The following B3GALT1 variants were observed in gnomAD, a reference collection of about 807,000 sequenced individuals.
The protein encoded by B3GALT1 is beta-1,3-galactosyltransferase 1.
Under a neutral mutation model 23.2 loss-of-function variants are expected in B3GALT1, and 10 were observed. That is an observed-to-expected ratio of 0.43 (90% CI 0.27 to 0.73). B3GALT1 has a LOEUF of 0.73. Ranked by LOEUF, B3GALT1 falls within the 30% of genes least tolerant of loss-of-function variation. The probability of loss-of-function intolerance (pLI) is 0.21; values close to 1 mark genes in which losing one functional copy is unlikely to be tolerated. For synonymous variants in B3GALT1, 156 were observed against 141.5 expected (o/e 1.10, Z -0.73); for missense variants, 299 against 405.4 (o/e 0.74, Z 2.25).
chr2:167,752,068 T>C (rs763040849), intron 3 of B3GALT1, among the ~76,000 whole-genome samples: 6 of 152,190 alleles, frequency 3.9e-5, no homozygotes, highest in Non-Finnish European at 7.3e-5. Context: ...AAAGTAGTAT[T>C]GTCTACCTTT....
rs1156403082 is a variant in B3GALT1, at chr2:167,357,424, A to G, written c.-511+64090A>G. ...TTTAAATGTTTTAATTATTATTACT[A>G]CCAAAAATGCCGACATATAATTGTA... On this transcript the variant is annotated intron_variant, in intron 1 of 4. Coordinates refer to ENST00000392690, the MANE Select transcript of B3GALT1 (RefSeq NM_020981.4). Among the ~76,000 whole-genome samples the G allele has an allele frequency of 3.3e-5, 5 of 152,150 alleles. No homozygotes were observed. The East Asian group carries it at 9.6e-4, about 29-fold the overall frequency.
intron 2 of B3GALT1, among the ~76,000 whole-genome samples, chr2:167,584,871 C>A (rs1221274105): frequency 1.3e-5 from 2 of 152,164 alleles, no homozygotes; most frequent in Non-Finnish European, 2.9e-5. Context: ...TTCAGCTATT[C>A]AGAAGCTCCA....
At chr2:167,684,005 A>G (rs1214566782) in intron 3 of B3GALT1, among the ~76,000 whole-genome samples, 1 of 152,208 alleles carries the variant, frequency 6.6e-6, no homozygotes, top group Non-Finnish European at 1.5e-5. Context: ...CTTAGAAGCC[A>G]TATGGTCCAG....
intron 2 of B3GALT1, among the ~76,000 whole-genome samples, chr2:167,627,718 T>C (rs2105444462): frequency 6.6e-6 from 1 of 151,792 alleles, no homozygotes; most frequent in Non-Finnish European, 1.5e-5. Context: ...ATATGAGAAG[T>C]GTATGCTAAA....
rs147706106 is a variant in B3GALT1 at position 167,394,482 on chromosome 2, A to C, written c.-510-95695A>C. On this transcript the variant is annotated intron_variant, in intron 1 of 4. Transcript: ENST00000392690. Reference sequence around the variant, plus strand: ...AGGATATATTTATATATTGTTCCAGATGTGTACATGATATTTTGATGCTAC... The same window carrying C: ...AGGATATATTTATATATTGTTCCAGCTGTGTACATGATATTTTGATGCTAC... Among the ~76,000 whole-genome samples the C allele has an allele frequency of 3.9e-3, 599 of 152,220 alleles. 1 individual carries two copies. Among genetic ancestry groups the C allele is most frequent in the African/African-American group, 0.014 (567 of 41,528 alleles).
intron 2 of B3GALT1, among the ~76,000 whole-genome samples, chr2:167,566,691 T>C (rs2105396513): frequency 6.6e-6 from 1 of 152,220 alleles, no homozygotes; most frequent in Admixed American, 6.5e-5. Context: ...ACCCAGGTCA[T>C]CCAGGCTGAA....
At chr2:167,522,291 A>C (rs1012022610) in intron 2 of B3GALT1, among the ~76,000 whole-genome samples, 4 of 151,966 alleles carry the variant, frequency 2.6e-5, no homozygotes, top group East Asian at 1.9e-4. Flanking sequence ...AAATATACAA[A>C]ATCTTCTCCA....
intron 3 of B3GALT1, among the ~76,000 whole-genome samples, chr2:167,696,181 T>TG (rs1473348992): frequency 6.6e-6 from 1 of 151,534 alleles, no homozygotes; most frequent in Non-Finnish European, 1.5e-5. Flanking sequence ...AAACCTAACT[T>TG]ACATTCTGGA....
chr2:167,857,812 G>A (rs770983403), intron 4 of B3GALT1, among the ~76,000 whole-genome samples: 6 of 152,078 alleles, frequency 3.9e-5, no homozygotes, highest in Non-Finnish European at 8.8e-5. Flanking sequence ...ATTCCTTTGG[G>A]TGCATTTCTA....
chr2:167,539,389 G>A (rs190769876), intron 2 of B3GALT1, among the ~76,000 whole-genome samples: 91 of 152,144 alleles, frequency 6.0e-4, no homozygotes, highest in African/African-American at 2.1e-3. Context: ...TTCTCCGAGT[G>A]GTAAAGTTAT....
intron 1 of B3GALT1, among the ~76,000 whole-genome samples, chr2:167,456,313 G>GGT (rs1024879175): frequency 6.6e-6 from 1 of 152,114 alleles, no homozygotes; most frequent in African/African-American, 2.4e-5. Flanking sequence ...TTATCACTAA[G>GGT]GTGATGGAGC....
rs1241427103 is a variant in B3GALT1 at position 167,818,770 on chromosome 2, A to G, written c.-253A>G. Among the ~76,000 whole-genome samples, 1 of 152,140 alleles carries G rather than the reference A, an allele frequency of 6.6e-6. No individual in the cohort carries two copies. Among genetic ancestry groups the G allele is most frequent in the African/African-American group, 2.4e-5 (1 of 41,424 alleles). Reference sequence around the variant, plus strand: ...CTGAACTTGTAGTAAGAAGAAGGAAAACACAGCACGCTGGAGCCAACAGGT... The same window carrying G: ...CTGAACTTGTAGTAAGAAGAAGGAAGACACAGCACGCTGGAGCCAACAGGT... On this transcript the variant is annotated 5_prime_UTR_variant, in exon 4 of 5. Transcript: ENST00000392690.
intron 2 of B3GALT1, among the ~76,000 whole-genome samples, chr2:167,602,754 C>T (rs1222077225): frequency 6.6e-6 from 1 of 152,056 alleles, no homozygotes; most frequent in African/African-American, 2.4e-5. Flanking sequence ...GAATTCTCAG[C>T]CCATAGTAAT....
chr2:167,593,033 G>A (rs561253370), intron 2 of B3GALT1, among the ~76,000 whole-genome samples: 1 of 152,282 alleles, frequency 6.6e-6, no homozygotes, highest in Non-Finnish European at 1.5e-5. Flanking sequence ...ACAAGATACA[G>A]ATAGTGTATA....
intron 2 of B3GALT1, among the ~76,000 whole-genome samples, chr2:167,606,445 G>T (rs1684963219): frequency 6.6e-6 from 1 of 152,126 alleles, no homozygotes; most frequent in Non-Finnish European, 1.5e-5. Context: ...TGAGTACTCA[G>T]TTTCAGATTC....
intron 1 of B3GALT1, among the ~76,000 whole-genome samples, chr2:167,410,717 T>G (rs1448789433): frequency 6.6e-6 from 1 of 152,118 alleles, no homozygotes; most frequent in Non-Finnish European, 1.5e-5. Flanking sequence ...GCCTGCATAT[T>G]CTGCACGTGT....
intron 3 of B3GALT1, among the ~76,000 whole-genome samples, chr2:167,795,681 T>C (rs1688535630): frequency 6.6e-6 from 1 of 152,170 alleles, no homozygotes; most frequent in African/African-American, 2.4e-5. Flanking sequence ...CAGGAGTCCA[T>C]GCTGGTTGGT....
intron 4 of B3GALT1, among the ~76,000 whole-genome samples, chr2:167,856,237 A>G (rs1257266861): frequency 1.3e-5 from 2 of 152,174 alleles, no homozygotes; most frequent in East Asian, 3.9e-4. Context: ...ATGTTCTAAA[A>G]TATGTTTTCT....
At chr2:167,638,694 T>C (rs1305488442) in intron 2 of B3GALT1, among the ~76,000 whole-genome samples, 2 of 152,100 alleles carry the variant, frequency 1.3e-5, no homozygotes, top group South Asian at 2.1e-4. Flanking sequence ...TGTACAATTC[T>C]ATTGTGTTTT....
Sources: allele counts gnomAD v4.1 joint callset (sites outside exome capture counted in the v4.1 genomes callset), GRCh38; gene constraint gnomAD v4.1.1; transcripts MANE v1.5; gene names NCBI Gene and HGNC (gene_info 2026-07-23, HGNC 2026-07-21).